The following TCEA1 variants were observed in gnomAD, a reference collection of about 807,000 sequenced individuals.
TCEA1 encodes the protein transcription elongation factor A protein 1.
A neutral mutation model predicts 43.8 loss-of-function variants in TCEA1; 21 were observed. The observed-to-expected ratio is 0.48, with a 90% CI of 0.34 to 0.69. The LOEUF (loss-of-function observed/expected upper bound fraction) is 0.69. Among genes scored for constraint, TCEA1 ranks in the 30% least tolerant of loss-of-function variants. TCEA1 has a pLI of 0.01. For missense variants in TCEA1, 250 were observed against 365.1 expected, an observed-to-expected ratio of 0.68 and a Z score of 2.57; for synonymous variants, 104 against 117.5, an observed-to-expected ratio of 0.88 and a Z score of 0.75.
intron 1 of TCEA1, among the ~76,000 whole-genome samples, chr8:54,015,999 G>A (rs1171293508): frequency 6.6e-6 from 1 of 152,158 alleles, no homozygotes; most frequent in Non-Finnish European, 1.5e-5. Flanking sequence ...CACCCACTAG[G>A]AAGGCTATAA....
rs563696896 is a variant in TCEA1 at position 53,970,211 on chromosome 8, T to G, written c.897+181A>C. 12 of 646,332 alleles carry G rather than the reference T, an allele frequency of 1.9e-5. No homozygotes were observed. In the African/African-American group the frequency reaches 2.0e-4, roughly 11 times the overall value. The allele number at this position is 646,332 out of a possible 1,614,324, so 40.0% of individuals were successfully genotyped here. On this transcript the variant is annotated intron_variant, in intron 9 of 9. Coordinates refer to ENST00000521604, the MANE Select transcript of TCEA1 (RefSeq NM_006756.4). ...AGGTGGTAAAGTCAAGTTAATACTCTTTATTTCTAGTAGGGTAACAAGATG... is the reference window on the plus strand; with the variant it reads ...AGGTGGTAAAGTCAAGTTAATACTCGTTATTTCTAGTAGGGTAACAAGATG...
At chr8:53,972,541 A>G (rs866970284) in intron 8 of TCEA1, 2 of 545,810 alleles carry the variant, frequency 3.7e-6, no homozygotes, top group African/African-American at 3.8e-5. Flanking sequence ...GATAGATTAA[A>G]GGCAAAAGAT....
At chr8:53,978,746 T>C in intron 8 of TCEA1, 1 of 297,362 alleles carries the variant, frequency 3.4e-6, no homozygotes, top group African/African-American at 2.1e-5. Flanking sequence ...TAACAGTATC[T>C]TGTTATAATT....
chr8:54,004,498 T>C (rs1351756741), intron 2 of TCEA1, among the ~76,000 whole-genome samples: 1 of 152,136 alleles, frequency 6.6e-6, no homozygotes, highest in Non-Finnish European at 1.5e-5. Context: ...CTGAAAACAT[T>C]AAGCTAAGTG....
At chr8:53,990,184 C>G (rs541573880) in intron 4 of TCEA1, among the ~76,000 whole-genome samples, 2 of 149,350 alleles carry the variant, frequency 1.3e-5, no homozygotes, top group South Asian at 4.2e-4. Flanking sequence ...GGTAAAAGAG[C>G]AAGACTCTGT....
At chr8:53,983,748 T>C (rs1803596192) in intron 7 of TCEA1, among the ~76,000 whole-genome samples, 4 of 152,166 alleles carry the variant, frequency 2.6e-5, no homozygotes, top group Non-Finnish European at 5.9e-5. Context: ...ACTTACAAAG[T>C]GTACTTGCAA....
chr8:53,993,631 A>C (rs766909788), intron 4 of TCEA1, 37 bp downstream of exon 4: 46 of 1,522,610 alleles, frequency 3.0e-5, no homozygotes, highest in Admixed American at 1.1e-4. Flanking sequence ...TAAAACTATG[A>C]CTTTCAATAT....
intron 4 of TCEA1, among the ~76,000 whole-genome samples, 190 bp from the exon 5 acceptor site, chr8:53,988,449 T>A (rs1364828678): frequency 1.3e-5 from 2 of 152,248 alleles, no homozygotes; most frequent in East Asian, 3.8e-4. Context: ...TACAATTTAG[T>A]AAAGTGACAA....
chr8:54,007,033 G>A (rs1238036236), intron 2 of TCEA1, among the ~76,000 whole-genome samples: 1 of 152,096 alleles, frequency 6.6e-6, no homozygotes, highest in African/African-American at 2.4e-5. Flanking sequence ...AATAGAGACG[G>A]GGTTTCACCA....
intron 7 of TCEA1, among the ~76,000 whole-genome samples, chr8:53,979,859 G>C (rs902498340): frequency 6.6e-6 from 1 of 152,024 alleles, no homozygotes; most frequent in Non-Finnish European, 1.5e-5. Context: ...CTCACCCAGA[G>C]GTACAGAAGG....
intron 1 of TCEA1, among the ~76,000 whole-genome samples, chr8:54,019,116 C>T (rs1804938062): frequency 6.6e-6 from 1 of 152,110 alleles, no homozygotes; most frequent in African/African-American, 2.4e-5. Context: ...AGTAATAGCT[C>T]AATAAATGGT....
intron 3 of TCEA1, among the ~76,000 whole-genome samples, chr8:53,998,047 C>T (rs1804121767): frequency 1.3e-5 from 2 of 152,144 alleles, no homozygotes; most frequent in African/African-American, 4.8e-5. Context: ...TATTGTATAA[C>T]ATATCCAAGT....
chr8:53,969,205 G>A (rs1456596985), intron 9 of TCEA1, among the ~76,000 whole-genome samples: 3 of 152,212 alleles, frequency 2.0e-5, no homozygotes, highest in South Asian at 2.1e-4. Context: ...CAGGAGAATC[G>A]CTTGAACCTG....
At chr8:53,970,292 A>T (rs779883386) in intron 9 of TCEA1, 100 bp downstream of exon 9, 2 of 816,772 alleles carry the variant, frequency 2.4e-6, no homozygotes, top group Non-Finnish European at 2.2e-6. Flanking sequence ...GTGTGAGCAT[A>T]TCTGTATATA....
intron 3 of TCEA1, among the ~76,000 whole-genome samples, chr8:53,996,548 T>G (rs1309607551): frequency 6.6e-6 from 1 of 152,132 alleles, no homozygotes; most frequent in Non-Finnish European, 1.5e-5. Flanking sequence ...TAGCTAACAA[T>G]GTAAAGAAAA....
chr8:54,006,556 G>C (rs762291824), intron 2 of TCEA1, among the ~76,000 whole-genome samples: 10 of 152,128 alleles, frequency 6.6e-5, no homozygotes, highest in Non-Finnish European at 1.5e-4. Context: ...GAAAAAATTA[G>C]AGATGCTCAT....
chr8:54,014,075 T>C (rs1383809918), intron 1 of TCEA1, among the ~76,000 whole-genome samples: 1 of 152,156 alleles, frequency 6.6e-6, no homozygotes, highest in Admixed American at 6.6e-5. Context: ...AAATCTTTAA[T>C]CATCTATTTC....
chr8:54,014,164 T>G (rs1207157345), intron 1 of TCEA1, among the ~76,000 whole-genome samples: 1 of 152,182 alleles, frequency 6.6e-6, no homozygotes, highest in African/African-American at 2.4e-5. Flanking sequence ...TACTGACGGG[T>G]AGTAAGGTCA....
chr8:54,003,947 A>G (rs56894994), intron 2 of TCEA1, among the ~76,000 whole-genome samples: 5,773 of 152,250 alleles, frequency 0.038, 369 homozygotes, highest in African/African-American at 0.13. Context: ...TTAAAAAAAA[A>G]AAGACAATCC....
Sources: gnomAD v4.1 joint callset for allele counts (sites outside exome capture counted in the v4.1 genomes callset) on GRCh38, gnomAD v4.1.1 for gene constraint, MANE v1.5 for transcripts, NCBI Gene and HGNC (gene_info 2026-07-23, HGNC 2026-07-21) for gene names.